CEP95: variants seen among roughly 807,000 people sequenced by gnomAD.
CEP95 encodes the protein centrosomal protein 95.
CEP95 carries 98 observed loss-of-function variants against 111.2 expected under a neutral mutation model. That is an observed-to-expected ratio of 0.88 (90% CI 0.75 to 1.04). The LOEUF (loss-of-function observed/expected upper bound fraction) is 1.04. Ranked by LOEUF, CEP95 falls within the 50% of genes least tolerant of loss-of-function variation. The pLI, the probability that CEP95 is intolerant of heterozygous loss-of-function variation, is 0.00. For synonymous variants in CEP95, 323 were observed against 327.1 expected, an observed-to-expected ratio of 0.99 and a Z score of 0.14; for missense variants, 1,027 against 977.2, an observed-to-expected ratio of 1.05 and a Z score of -0.68.
chr17:64,508,630 C>G lies in CEP95; in HGVS notation c.58C>G (p.His20Asp). ...TGCCAATAACCTTCTTTTTAAGTGTCATATACATCTGAGAATACATGAACT... is the reference window on the plus strand; with the variant it reads ...TGCCAATAACCTTCTTTTTAAGTGTGATATACATCTGAGAATACATGAACT... ...TIANNLLFKC[H>D]IHLRIHELQD... The change falls in exon 2 of 20, where the codon CAT becomes GAT. Residue 20 changes from histidine (H) to aspartate (D), a missense_variant. Coordinates refer to ENST00000556440, the MANE Select transcript of CEP95 (RefSeq NM_138363.3). 1 of 1,451,518 alleles carries G rather than the reference C, an allele frequency of 6.9e-7. No individual in the cohort carries two copies. Among genetic ancestry groups the G allele is most frequent in the Non-Finnish European group, 9.2e-7 (1 of 1,092,798 alleles). The allele number at this position is 1,451,518 out of a possible 1,614,324, so 89.9% of individuals were successfully genotyped here. A position where few individuals can be genotyped will look rare whatever the true frequency, so the allele number is the denominator to read the frequency against.
At position 64,519,575 on chromosome 17, in the gene CEP95, A is replaced by G. The variant is rs1382258707; in HGVS notation, c.589+139A>G. 4 of 622,690 alleles carry G rather than the reference A, an allele frequency of 6.4e-6. No individual in the cohort carries two copies. The Admixed American group carries it at 1.1e-4, about 17-fold the overall frequency. The allele number at this position is 622,690 out of a possible 1,614,324, so 38.6% of individuals were successfully genotyped here. A position where few individuals can be genotyped will look rare whatever the true frequency, so the allele number is the denominator to read the frequency against. ...ATTTGAAATTCCAGAATATCCCACT[A>G]CCCATTAAATATGAACACTTATCTG... On this transcript the variant is annotated intron_variant, in intron 6 of 19. Coordinates refer to ENST00000556440, the MANE Select transcript of CEP95 (RefSeq NM_138363.3).
chr17:64,521,305 ATT>A (rs1180793526), intron 6 of CEP95, 95 bp from the exon 7 acceptor site: 2 of 792,790 alleles, frequency 2.5e-6, no homozygotes, highest in Non-Finnish European at 4.0e-6. Flanking sequence ...ATTATTTAAT[ATT>A]TGTTTCCTGA....
chr17:64,521,381 C>T (rs1967324958), intron 6 of CEP95, 21 bp from the exon 7 acceptor site: 4 of 1,582,756 alleles, frequency 2.5e-6, no homozygotes, highest in East Asian at 2.2e-5. Context: ...AAAATTTTAC[C>T]TTTAATATTT....
intron 1 of CEP95, chr17:64,508,190 C>T (rs1463913652): frequency 2.0e-6 from 2 of 985,376 alleles, no homozygotes; most frequent in South Asian, 4.7e-5. Flanking sequence ...TGCGAAGCAG[C>T]CTCCATTAAT....
At chr17:64,537,516 T>G in intron 19 of CEP95, 87 bp from the exon 20 acceptor site, 1 of 1,457,498 alleles carries the variant, frequency 6.9e-7, no homozygotes, top group Non-Finnish European at 9.1e-7. Context: ...TGGAGGAGTT[T>G]GATTAGCTGG....
chr17:64,527,265 G>T lies in CEP95; in HGVS notation c.1306+1G>T. On this transcript the variant is annotated splice_donor_variant, in intron 11 of 19. Coordinates refer to ENST00000556440, the MANE Select transcript of CEP95 (RefSeq NM_138363.3). LOFTEE classifies it high-confidence loss of function. ...TATGGGCCAAAGAAGTCAAGGCCAGGTACTTACCCCAGAGAGACTGAGAAG... is the reference window on the plus strand; with the variant it reads ...TATGGGCCAAAGAAGTCAAGGCCAGTTACTTACCCCAGAGAGACTGAGAAG... 6.2e-7 allele frequency: 1 copy of T among 1,606,964 alleles called. No homozygotes were observed. Among genetic ancestry groups the T allele is most frequent in the Non-Finnish European group, 8.5e-7 (1 of 1,176,634 alleles).
chr17:64,534,387 A>G, intron 16 of CEP95, 198 bp from the exon 17 acceptor site: 1 of 536,410 alleles, frequency 1.9e-6, no homozygotes, highest in Non-Finnish European at 3.4e-6. Flanking sequence ...CCTCTGCTGC[A>G]GTGGGGTGTT....
At chr17:64,519,905 C>T (rs910286463) in intron 6 of CEP95, among the ~76,000 whole-genome samples, 4 of 152,322 alleles carry the variant, frequency 2.6e-5, no homozygotes, top group Middle Eastern at 6.8e-3. Flanking sequence ...AATTTTGAGC[C>T]TCCAACCTTG....
At chr17:64,509,209 C>T (rs1308585662) in intron 2 of CEP95, among the ~76,000 whole-genome samples, 9 of 152,184 alleles carry the variant, frequency 5.9e-5, no homozygotes, top group Non-Finnish European at 1.3e-4. Context: ...GCGCATATGT[C>T]CTTTCATCTT....
chr17:64,507,640 T>G, intron 1 of CEP95: 1 of 988,374 alleles, frequency 1.0e-6, no homozygotes, highest in Non-Finnish European at 1.2e-6. Context: ...CGAATTAATT[T>G]GGTTGTCTAG....
intron 14 of CEP95, chr17:64,532,346 G>A (rs1968338349): frequency 2.8e-6 from 3 of 1,089,884 alleles, no homozygotes; most frequent in African/African-American, 1.7e-5. Flanking sequence ...TGAAAGGGAT[G>A]CTCCAAGGCA....
At chr17:64,506,974 C>T (rs1480851328), upstream of CEP95, 3 of 1,091,058 alleles carry the variant, frequency 2.7e-6, no homozygotes, top group African/African-American at 1.5e-5. Context: ...TCTTTCACGC[C>T]TCCTTCCCCG....
chr17:64,506,996 G>A lies in CEP95; in HGVS notation c.-102G>A. 1 of 1,375,028 alleles carries A rather than the reference G, an allele frequency of 7.3e-7. No homozygotes were observed. The highest frequency in any genetic ancestry group is 1.0e-6 in the Non-Finnish European group (1 of 987,016). The allele number at this position is 1,375,028 out of a possible 1,614,324, so 85.2% of individuals were successfully genotyped here. On this transcript the variant is annotated 5_prime_UTR_variant, in exon 1 of 20. The change creates a new upstream start codon in the 5' untranslated region. Coordinates refer to ENST00000556440, the MANE Select transcript of CEP95 (RefSeq NM_138363.3). ...CGCCTCCTTCCCCGCGCTTTGGTTC[G>A]TGCGTCCGCGCCCCAGTGTCGGGTC...
At chr17:64,527,854 G>A (rs574239548) in intron 11 of CEP95, among the ~76,000 whole-genome samples, 6 of 96,978 alleles carry the variant, frequency 6.2e-5, no homozygotes, top group East Asian at 4.7e-4. Flanking sequence ...GCCACTTAAT[G>A]TGTGTGTGTG....
chr17:64,509,265 C>T (rs1396609725), intron 2 of CEP95, among the ~76,000 whole-genome samples: 6 of 152,250 alleles, frequency 3.9e-5, no homozygotes, highest in Admixed American at 3.9e-4. Context: ...ACCAACTCAG[C>T]TTAAGTGATC....
chr17:64,536,677 G>C lies in CEP95; in HGVS notation c.2146G>C (p.Glu716Gln). The C allele has an allele frequency of 1.2e-6, 2 of 1,613,472 alleles. No homozygotes were observed. Among genetic ancestry groups the C allele is most frequent in the Non-Finnish European group, 1.7e-6 (2 of 1,179,708 alleles). The change falls in exon 18 of 20, where the codon GAA becomes CAA. Residue 716 changes from glutamate (E) to glutamine (Q), a missense_variant. Glu to Gln is a conservative substitution (Grantham distance 29). Coordinates refer to ENST00000556440, the MANE Select transcript of CEP95 (RefSeq NM_138363.3). ...RLRDLRNYAKEKRDEQRRRHQ... is the reference protein window; with the variant it reads ...RLRDLRNYAKQKRDEQRRRHQ... Reference sequence around the variant, plus strand: ...ACGAGACCTAAGAAACTATGCCAAAGAAAAGCGAGATGAACAAAGGAGACG... The same window carrying C: ...ACGAGACCTAAGAAACTATGCCAAACAAAAGCGAGATGAACAAAGGAGACG...
rs782718659 is a variant in CEP95, at chr17:64,510,165, C to A, written c.149-8C>A. The stretch of plus-strand genomic sequence containing the variant: ...GATACAAAATTATGTGATTTTTTCC[C>A]CCCCCAGACCTCATAGTTATTCCTA... On this transcript the variant is annotated splice_polypyrimidine_tract_variant and splice_region_variant and intron_variant, in intron 2 of 19. Transcript: ENST00000556440. 2.4e-4 allele frequency: 378 copies of A among 1,549,544 alleles called. No homozygotes were observed. Among genetic ancestry groups the A allele is most frequent in the Non-Finnish European group, 3.1e-4 (348 of 1,127,924 alleles).
chr17:64,523,818 T>G (rs533585035), intron 8 of CEP95, among the ~76,000 whole-genome samples: 1 of 152,220 alleles, frequency 6.6e-6, no homozygotes, highest in Non-Finnish European at 1.5e-5. Flanking sequence ...GAGGATCACT[T>G]GAGCCCAGGA....
Position 64,516,848 on chromosome 17 carries a change from A to G in CEP95, c.473+20A>G, listed in dbSNP as rs782680396. 19 of 1,381,546 alleles carry G rather than the reference A, an allele frequency of 1.4e-5. No homozygotes were observed. The African/African-American group carries it at 2.7e-4, about 20-fold the overall frequency. The allele number at this position is 1,381,546 out of a possible 1,614,324, so 85.6% of individuals were successfully genotyped here. On this transcript the variant is annotated intron_variant, in intron 5 of 19. Coordinates refer to ENST00000556440, the MANE Select transcript of CEP95 (RefSeq NM_138363.3). ...TGGGAGGTAGCACTTAGTGTCTCTG[A>G]ATTTGATGAAAACAAGTTACGCTTT... is the stretch of plus-strand genomic sequence containing the variant.
Sources: gnomAD v4.1 joint callset for allele counts (sites outside exome capture counted in the v4.1 genomes callset) on GRCh38, gnomAD v4.1.1 for gene constraint, MANE v1.5 for transcripts, NCBI Gene and HGNC (gene_info 2026-07-23, HGNC 2026-07-21) for gene names.